PAICS: variants seen among roughly 807,000 people sequenced by gnomAD.
PAICS encodes the protein phosphoribosylaminoimidazole carboxylase and phosphoribosylaminoimidazolesuccinocarboxamide synthase, also known as bifunctional phosphoribosylaminoimidazole carboxylase/phosphoribosylaminoimidazole succinocarboxamide synthetase.
A neutral mutation model predicts 53.7 loss-of-function variants in PAICS; 33 were observed. The observed-to-expected ratio is 0.61, with a 90% CI of 0.47 to 0.82. The LOEUF (loss-of-function observed/expected upper bound fraction) is 0.82, where lower values mean the gene tolerates loss of function less well. PAICS is among the 40% of genes least tolerant of loss of function. The pLI, the probability that PAICS is intolerant of heterozygous loss-of-function variation, is 0.00. For synonymous variants in PAICS, 141 were observed against 167.2 expected, an observed-to-expected ratio of 0.84 and a Z score of 1.21; for missense variants, 394 against 494.1, an observed-to-expected ratio of 0.80 and a Z score of 1.92.
upstream of PAICS, among the ~76,000 whole-genome samples, chr4:56,433,064 C>G (rs138956926): frequency 1.6e-3 from 245 of 151,272 alleles, 1 homozygote; most frequent in Non-Finnish European, 2.7e-3. Flanking sequence ...CCTTATCTAT[C>G]AGTTTCGAGC....
intron 8 of PAICS, among the ~76,000 whole-genome samples, chr4:56,454,792 G>T (rs191140507): frequency 1.3e-5 from 2 of 151,738 alleles, no homozygotes; most frequent in African/African-American, 4.8e-5. Flanking sequence ...AGAATTCATG[G>T]TATTGATTTT....
the PAICS span, among the ~76,000 whole-genome samples, chr4:56,417,777 G>A: frequency 4.0e-5 from 6 of 150,608 alleles, no homozygotes; most frequent in African/African-American, 1.5e-4. Flanking sequence ...CAGAGTCTAC[G>A]AAAAGAAAAA....
At chr4:56,422,445 C>T in the PAICS span, 5 of 147,316 alleles carry the variant, frequency 3.4e-5, no homozygotes, top group East Asian at 6.0e-4. Flanking sequence ...AAGGTCTTGA[C>T]ACACATAAAA....
At chr4:56,423,057 T>TA in the PAICS span, 3 of 152,198 alleles carry the variant, frequency 2.0e-5, no homozygotes, top group African/African-American at 7.2e-5. Flanking sequence ...TGCTACCTGA[T>TA]AGTTTGCCTC....
At chr4:56,444,547 G>C (rs1718502622) in intron 2 of PAICS, among the ~76,000 whole-genome samples, 2 of 152,144 alleles carry the variant, frequency 1.3e-5, no homozygotes, top group Non-Finnish European at 2.9e-5. Context: ...TTGTAATCCA[G>C]AGTGTGTCAG....
chr4:56,460,432 A>G lies in PAICS; in HGVS notation c.*894A>G, dbSNP rs1027451603. ...TTACCGTCTTCTCATCCTCTGTACA[A>G]AAGCCTCAAGTGAGGGTCAAATTCA... On this transcript the variant is annotated 3_prime_UTR_variant, in exon 9 of 9. Transcript: ENST00000512576. 7.2e-5 allele frequency: 11 copies of G among 152,166 alleles called. No individual in the cohort carries two copies. The highest frequency in any genetic ancestry group is 6.5e-4 in the Admixed American group (10 of 15,274). The allele number at this position is 152,166 out of a possible 1,614,324, so 9.4% of individuals were successfully genotyped here. A position where few individuals can be genotyped will look rare whatever the true frequency, so the allele number is the denominator to read the frequency against.
At chr4:56,425,286 A>G in the PAICS span, 1 of 161,632 alleles carries the variant, frequency 6.2e-6, no homozygotes, top group African/African-American at 2.4e-5. Flanking sequence ...TAATTTGTAT[A>G]ATCTTAGCAG....
upstream of PAICS, among the ~76,000 whole-genome samples, chr4:56,432,843 A>C (rs2110071080): frequency 6.6e-6 from 1 of 151,784 alleles, no homozygotes; most frequent in East Asian, 1.9e-4. Context: ...CCTTCATCAA[A>C]AAGGAAAAAA....
upstream of PAICS, among the ~76,000 whole-genome samples, chr4:56,433,718 G>C (rs1488548356): frequency 6.8e-6 from 1 of 146,976 alleles, no homozygotes; most frequent in African/African-American, 2.5e-5. Flanking sequence ...TTTTTGAGAC[G>C]GAGTCTCGCT....
chr4:56,422,145 A>G, the PAICS span: 1 of 152,234 alleles, frequency 6.6e-6, no homozygotes, highest in Admixed American at 6.5e-5. Context: ...GTGGTGGCAC[A>G]TGCCTGTAAT....
At chr4:56,414,451 T>C in the PAICS span, 1 of 152,228 alleles carries the variant, frequency 6.6e-6, no homozygotes, top group Non-Finnish European at 1.5e-5. Context: ...CAGAATTCCT[T>C]TGGCCTATGG....
chr4:56,444,995 G>A (rs974875034), intron 2 of PAICS, among the ~76,000 whole-genome samples: 1 of 152,124 alleles, frequency 6.6e-6, no homozygotes, highest in Non-Finnish European at 1.5e-5. Flanking sequence ...CTATCCATGA[G>A]CCTGATCATT....
At chr4:56,424,547 A>C in the PAICS span, among the ~76,000 whole-genome samples, 2 of 152,284 alleles carry the variant, frequency 1.3e-5, no homozygotes, top group South Asian at 4.1e-4. Context: ...AGAATCATAG[A>C]CTGCTCAGGC....
the PAICS span, among the ~76,000 whole-genome samples, chr4:56,417,436 A>T: frequency 6.6e-6 from 1 of 152,216 alleles, no homozygotes; most frequent in Non-Finnish European, 1.5e-5. Flanking sequence ...TTTGTATGAT[A>T]GGGGCCAAAA....
chr4:56,431,240 G>A (rs922320503), upstream of PAICS, among the ~76,000 whole-genome samples: 1 of 152,094 alleles, frequency 6.6e-6, no homozygotes, highest in Non-Finnish European at 1.5e-5. Flanking sequence ...TCAAAATTAA[G>A]TAAGATATTC....
intron 8 of PAICS, among the ~76,000 whole-genome samples, chr4:56,457,551 T>A (rs1719278889): frequency 6.6e-6 from 1 of 152,188 alleles, no homozygotes; most frequent in Non-Finnish European, 1.5e-5. Flanking sequence ...TAGTCCCTAT[T>A]CCCTTCCAAA....
the PAICS span, among the ~76,000 whole-genome samples, chr4:56,426,168 C>G: frequency 6.6e-6 from 1 of 152,100 alleles, no homozygotes; most frequent in African/African-American, 2.4e-5. Context: ...TGTGGGAGGC[C>G]AAGGCAGGCA....
intron 2 of PAICS, chr4:56,446,485 G>C (rs1327587884): frequency 1.5e-6 from 1 of 688,940 alleles, no homozygotes; most frequent in Non-Finnish European, 2.7e-6. Flanking sequence ...TCCTTTTTAT[G>C]GCTGAACAAT....
the PAICS span, chr4:56,410,623 T>C: frequency 1.0e-6 from 1 of 986,154 alleles, no homozygotes; most frequent in Non-Finnish European, 1.2e-6. Context: ...CACTAAGAAA[T>C]AAAGGAATAT....
Sources: allele counts gnomAD v4.1 joint callset (sites outside exome capture counted in the v4.1 genomes callset), GRCh38; gene constraint gnomAD v4.1.1; transcripts MANE v1.5; gene names NCBI Gene and HGNC (gene_info 2026-07-23, HGNC 2026-07-21).